GIT2: variants seen among roughly 807,000 people sequenced by gnomAD.
The protein encoded by GIT2 is ARF GTPase-activating protein GIT2.
In GIT2, 32 loss-of-function variants were observed where a neutral mutation model predicts 100.3. The ratio of observed to expected loss-of-function variants is 0.32; its 90% CI spans 0.24 to 0.43. The LOEUF is 0.43. Ranked by LOEUF, GIT2 falls within the 20% of genes least tolerant of loss-of-function variation. The pLI, the probability that GIT2 is intolerant of heterozygous loss-of-function variation, is 1.00. For synonymous variants in GIT2, 353 were observed against 364.1 expected (o/e 0.97, Z 0.35); for missense variants, 737 against 975.1 (o/e 0.76, Z 3.25).
intron 7 of GIT2, among the ~76,000 whole-genome samples, chr12:109,969,922 A>AT (rs1271446546): frequency 4.6e-5 from 7 of 151,678 alleles, no homozygotes; most frequent in Admixed American, 4.6e-4. Context: ...TGCCTGGCTA[A>AT]TTTTTGTATT....
At chr12:109,966,508 C>CAAAAAAAAAAAAAAAAAAA (rs749586402) in intron 8 of GIT2, among the ~76,000 whole-genome samples, 1 of 70,230 alleles carries the variant, frequency 1.4e-5, no homozygotes, top group Non-Finnish European at 2.5e-5. Context: ...GACTCTGTCT[C>CAAAAAAAAAAAAAAAAAAA]AAAAAAAAAA....
intron 6 of GIT2, 117 bp from the exon 7 acceptor site, chr12:109,981,163 T>C (rs1278883555): frequency 5.6e-6 from 4 of 716,304 alleles, no homozygotes; most frequent in African/African-American, 3.5e-5. Context: ...CTTTTGAGAA[T>C]CATCAACCTT....
In GIT2 at chr12:109,996,249, A is replaced by T. The variant is rs1889397343; in HGVS notation, c.-25T>A. 6.6e-7 allele frequency: 1 copy of T among 1,508,796 alleles called. No individual in the cohort carries two copies. Among genetic ancestry groups the T allele is most frequent in the Non-Finnish European group, 8.9e-7 (1 of 1,120,170 alleles). 93.5% of individuals were successfully genotyped at this position (1,508,796 alleles called of 1,614,324 possible). A position where few individuals can be genotyped will look rare whatever the true frequency, so the allele number is the denominator to read the frequency against. On this transcript the variant is annotated 5_prime_UTR_variant, in exon 1 of 20. Transcript: ENST00000355312. ...TGGCTCCCACCTCCCACCTGCGGGGAACTAGAGGCCGGGGGACAGCAAAGG... is the reference window on the plus strand; with the variant it reads ...TGGCTCCCACCTCCCACCTGCGGGGTACTAGAGGCCGGGGGACAGCAAAGG...
At chr12:109,991,572 A>T in intron 2 of GIT2, 55 bp downstream of exon 2, 1 of 1,442,908 alleles carries the variant, frequency 6.9e-7, no homozygotes, top group Non-Finnish European at 9.7e-7. Context: ...AGTTATTAAC[A>T]TGATGAGCCC....
intron 16 of GIT2, among the ~76,000 whole-genome samples, chr12:109,944,562 C>T (rs544772790): frequency 2.4e-4 from 37 of 152,326 alleles, no homozygotes; most frequent in African/African-American, 8.2e-4. Context: ...CTTACCCAAA[C>T]GCTGTGTATG....
intron 16 of GIT2, among the ~76,000 whole-genome samples, chr12:109,940,928 A>C (rs1329826456): frequency 6.6e-6 from 1 of 151,878 alleles, no homozygotes; most frequent in East Asian, 1.9e-4. Context: ...AAAAAAAAAA[A>C]AAAACCCCAC....
At chr12:109,990,797 A>C (rs1203022032) in intron 2 of GIT2, among the ~76,000 whole-genome samples, 1 of 152,178 alleles carries the variant, frequency 6.6e-6, no homozygotes, top group East Asian at 1.9e-4. Flanking sequence ...TTCTACATGC[A>C]ATCAAAACAT....
chr12:109,981,031 A>G lies in GIT2; in HGVS notation c.639T>C (p.His213=). 6.2e-7 allele frequency: 1 copy of G among 1,608,274 alleles called. No homozygotes were observed. The highest frequency in any genetic ancestry group is 8.5e-7 in the Non-Finnish European group (1 of 1,174,626). ...PVDYARQGGH[H]ELAERLVEIQ... Reference sequence around the variant, plus strand: ...TTTCCACGAGGCGCTCTGCCAGCTCATGGTGCCCTCCTTGCCTACCAAGAG... The same window carrying G: ...TTTCCACGAGGCGCTCTGCCAGCTCGTGGTGCCCTCCTTGCCTACCAAGAG... Residue 213 remains histidine, a synonymous_variant, in exon 7 of 20, where the codon CAT becomes CAC. Coordinates refer to ENST00000355312, the MANE Select transcript of GIT2 (RefSeq NM_057169.5).
At chr12:109,939,633 T>G (rs1277444118) in intron 16 of GIT2, 1 of 152,278 alleles carries the variant, frequency 6.6e-6, no homozygotes, top group African/African-American at 2.4e-5. Flanking sequence ...GGACGATTGC[T>G]TAAGGCTAGG....
At chr12:109,960,421 T>C (rs889162714) in intron 11 of GIT2, among the ~76,000 whole-genome samples, 3 of 151,810 alleles carry the variant, frequency 2.0e-5, no homozygotes, top group Non-Finnish European at 1.5e-5. Flanking sequence ...GTCAGGACTT[T>C]GTACAAAAAT....
At chr12:109,952,554 C>T (rs754464322) in intron 13 of GIT2, 4 of 518,928 alleles carry the variant, frequency 7.7e-6, no homozygotes, top group African/African-American at 7.7e-5. Flanking sequence ...TTAGGCTGTC[C>T]CTATGCATGA....
At chr12:109,992,505 T>C (rs1022991277) in intron 1 of GIT2, among the ~76,000 whole-genome samples, 1 of 152,184 alleles carries the variant, frequency 6.6e-6, no homozygotes, top group African/African-American at 2.4e-5. Context: ...GTAAATGTTG[T>C]AGACTGCTGT....
chr12:109,973,379 G>A (rs1007585292), intron 7 of GIT2, among the ~76,000 whole-genome samples: 7 of 151,958 alleles, frequency 4.6e-5, no homozygotes, highest in Admixed American at 3.3e-4. Flanking sequence ...CACCTCAAAT[G>A]ATCTATCTGC....
At chr12:109,968,264 T>C (rs929051542) in intron 7 of GIT2, among the ~76,000 whole-genome samples, 1 of 152,212 alleles carries the variant, frequency 6.6e-6, no homozygotes, top group Admixed American at 6.5e-5. Flanking sequence ...TTTAAAAGTT[T>C]AATCATTCTA....
At chr12:109,976,785 C>CA (rs1885183526) in intron 7 of GIT2, among the ~76,000 whole-genome samples, 1 of 151,632 alleles carries the variant, frequency 6.6e-6, no homozygotes, top group Non-Finnish European at 1.5e-5. Flanking sequence ...GACAGGGTTT[C>CA]ACCATGTTGG....
intron 7 of GIT2, among the ~76,000 whole-genome samples, chr12:109,980,592 C>T (rs905663176): frequency 6.6e-6 from 1 of 152,050 alleles, no homozygotes; most frequent in African/African-American, 2.4e-5. Flanking sequence ...TTTTTCCATT[C>T]CTTAAGAAGA....
intron 18 of GIT2, among the ~76,000 whole-genome samples, chr12:109,938,025 GC>G (rs1873526121): frequency 6.6e-6 from 1 of 152,102 alleles, no homozygotes; most frequent in Admixed American, 6.6e-5. Flanking sequence ...TGTGTCAGCG[GC>G]CTTGTCCTTA....
chr12:109,943,939 C>T (rs940268313), intron 16 of GIT2, among the ~76,000 whole-genome samples: 7 of 152,146 alleles, frequency 4.6e-5, no homozygotes, highest in Non-Finnish European at 8.8e-5. Context: ...GCAATCCACC[C>T]GCCTAGGCCT....
intron 1 of GIT2, among the ~76,000 whole-genome samples, chr12:109,994,766 TG>T (rs1463720619): frequency 6.6e-6 from 1 of 152,138 alleles, no homozygotes; most frequent in African/African-American, 2.4e-5. Flanking sequence ...GCTAGACACA[TG>T]TGAATCAAAT....
Sources: gnomAD v4.1 joint callset for allele counts (sites outside exome capture counted in the v4.1 genomes callset) on GRCh38, gnomAD v4.1.1 for gene constraint, MANE v1.5 for transcripts, NCBI Gene and HGNC (gene_info 2026-07-23, HGNC 2026-07-21) for gene names.